Variants in TTN observed in about 807,000 individuals in gnomAD.
TTN encodes titin.
TTN carries 1,525 observed loss-of-function variants against 3,223.0 expected under a neutral mutation model. The observed-to-expected ratio is 0.47, with a 90% CI of 0.45 to 0.49. TTN has a LOEUF of 0.49. Among genes scored for constraint, TTN ranks in the 20% least tolerant of loss-of-function variants. TTN has a pLI of 0.00. For synonymous variants in TTN, 14,094 were observed against 15,161.0 expected (o/e 0.93, Z 5.17); for missense variants, 40,786 against 43,424.0 (o/e 0.94, Z 5.40).
In TTN at chr2:178,710,704, C is replaced by T. The variant is rs747684566; in HGVS notation, c.28393G>A (p.Gly9465Arg). ...TTCACAGCATAGCAGGTATATTGTC[C>T]AGAATCTCCTTTGTCTACTTTGAGG... ...TVLKVDKGDS[G>R]QYTCYAVNEV... is the part of the protein sequence containing the mutation. The change falls in exon 98 of 363, where the codon GGA becomes AGA. Residue 9465 changes from glycine to arginine, a missense_variant. By Grantham distance (125) the Gly-to-Arg change is moderately radical. Coordinates refer to ENST00000589042, the MANE Select transcript of TTN (RefSeq NM_001267550.2). 1.9e-6 allele frequency: 3 copies of T among 1,613,564 alleles called. No individual in the cohort carries two copies. The highest frequency in any genetic ancestry group is 2.5e-6 in the Non-Finnish European group (3 of 1,179,822).
At chr2:178,733,920 C>T in intron 52 of TTN, 28 bp from the exon 53 acceptor site, 4 of 1,537,402 alleles carry the variant, frequency 2.6e-6, no homozygotes, top group Non-Finnish European at 3.5e-6. Flanking sequence ...GCATATAAAA[C>T]ATATCAATTC....
Position 178,705,151 on chromosome 2 carries a change from A to G in TTN, c.29604+23T>C, listed in dbSNP as rs777415320. ...TTTTAAATGTGACTTTTTTAGCATG[A>G]TGCTATATATGAAGGAGCATACCAG... On this transcript the variant is annotated intron_variant, in intron 103 of 362. Transcript: ENST00000589042. The G allele has an allele frequency of 4.4e-6, 7 of 1,602,422 alleles. No individual in the cohort carries two copies. The East Asian group carries it at 1.6e-4, about 36-fold the overall frequency.
rs1060500413 is a variant in TTN at position 178,618,607 on chromosome 2, C to T, written c.46943G>A (p.Gly15648Glu). 4 of 1,612,122 alleles carry T rather than the reference C, an allele frequency of 2.5e-6. No individual in the cohort carries two copies. The highest frequency in any genetic ancestry group is 2.2e-5 in the South Asian group (2 of 90,790). The change falls in exon 251 of 363, where the codon GGA becomes GAA. Residue 15648 changes from glycine to glutamate, a missense_variant. Coordinates refer to ENST00000589042, the MANE Select transcript of TTN (RefSeq NM_001267550.2). ...ACCAATAACTTTTAAATTGATGAAT[C>T]CTTCTGCTTTTCCATGTTTGTTCTG... ...VLQNKHGKAE[G>E]FINLKVIDVP... is the part of the protein sequence containing the mutation.
Position 178,751,024 on chromosome 2 carries a change from G to A in TTN, c.11311+2100C>T. 1.2e-6 allele frequency: 2 copies of A among 1,612,560 alleles called. No homozygotes were observed. The highest frequency in any genetic ancestry group is 1.7e-6 in the Non-Finnish European group (2 of 1,179,228). Reference sequence around the variant, plus strand: ...TTTCTTCATCAACAATAGTTTGAAAGCTTGTGGGAAGTTCCTCAGATTCTA... The same window carrying A: ...TTTCTTCATCAACAATAGTTTGAAAACTTGTGGGAAGTTCCTCAGATTCTA... On this transcript the variant is annotated intron_variant, in intron 47 of 362. Coordinates refer to ENST00000589042, the MANE Select transcript of TTN (RefSeq NM_001267550.2).
At chr2:178,753,365 C>T (rs1243924050) in intron 46 of TTN, 185 bp from the exon 47 acceptor site, 1 of 491,766 alleles carries the variant, frequency 2.0e-6, no homozygotes, top group East Asian at 3.3e-5. Context: ...ACAATGTTGA[C>T]AGAAAGATTT....
rs756404322 is a variant in TTN, at chr2:178,749,996, G to A, written c.11311+3128C>T. The A allele has an allele frequency of 3.7e-6, 6 of 1,613,040 alleles. No homozygotes were observed. The Admixed American group carries it at 8.4e-5, about 22-fold the overall frequency. ...TGGTGATTGAGTAACTTGATCTTGAGGCATTGCTTTAGGTTCCAGCTCCTC... is the reference window on the plus strand; with the variant it reads ...TGGTGATTGAGTAACTTGATCTTGAAGCATTGCTTTAGGTTCCAGCTCCTC... On this transcript the variant is annotated intron_variant, in intron 47 of 362. Coordinates refer to ENST00000589042, the MANE Select transcript of TTN (RefSeq NM_001267550.2).
Position 178,740,364 on chromosome 2 carries a change from A to G in TTN, c.12869T>C (p.Leu4290Pro). 6.2e-7 allele frequency: 1 copy of G among 1,613,622 alleles called. No individual in the cohort carries two copies. Among genetic ancestry groups the G allele is most frequent in the Middle Eastern group, 1.7e-4 (1 of 6,058 alleles). ...TGTGCATGAGTGTTCTGAAGGGACT[A>G]GGGGCTCATAGTTTACCTGAGAGAT... ...VMISQVNYEP[L>P]VPSEHSCTEG... Residue 4290 changes from leucine to proline, a missense_variant, in exon 48 of 363, where the codon CTA (leucine) becomes CCA (proline). Transcript: ENST00000589042.
chr2:178,671,013 T>G, intron 156 of TTN, 77 bp downstream of exon 156: 1 of 1,039,432 alleles, frequency 9.6e-7, no homozygotes. Context: ...TCAAGTGGAA[T>G]GCAAACTTGT....
chr2:178,547,136 G>A lies in TTN; in HGVS notation c.94389C>T (p.Cys31463=). 1 of 1,613,800 alleles carries A rather than the reference G, an allele frequency of 6.2e-7. No homozygotes were observed. Among genetic ancestry groups the A allele is most frequent in the South Asian group, 1.1e-5 (1 of 91,086 alleles). Residue 31463 remains cysteine, a synonymous_variant, in exon 340 of 363, where the codon TGC becomes TGT. Coordinates refer to ENST00000589042, the MANE Select transcript of TTN (RefSeq NM_001267550.2). The stretch of plus-strand genomic sequence containing the variant: ...CAGTTACTTTGTAGTTGCACTCTAA[G>A]CATGGCACTTTGTTTTCTTTCACCC... The part of the protein sequence containing the change: ...ILWVKENKVP[C]LECNYKVTGL...
chr2:178,550,061 G>A lies in TTN; in HGVS notation c.91777C>T (p.His30593Tyr). The A allele has an allele frequency of 6.2e-7, 1 of 1,613,784 alleles. No individual in the cohort carries two copies. Among genetic ancestry groups the A allele is most frequent in the East Asian group, 2.2e-5 (1 of 44,866 alleles). Reference sequence around the variant, plus strand: ...GCTTCCACTGTGTATACACCACGATGGTCCCGAGTAGCATCTCTAACAAAT... The same window carrying A: ...GCTTCCACTGTGTATACACCACGATAGTCCCGAGTAGCATCTCTAACAAAT... ...SLFVRDATRDHRGVYTVEAKN... is the reference protein window; with the variant it reads ...SLFVRDATRDYRGVYTVEAKN... The change falls in exon 337 of 363, where the codon CAT (histidine) becomes TAT (tyrosine). Residue 30593 changes from histidine (H) to tyrosine (Y), a missense_variant. Coordinates refer to ENST00000589042, the MANE Select transcript of TTN (RefSeq NM_001267550.2).
chr2:178,752,360 C>T (rs1243782274), intron 47 of TTN, among the ~76,000 whole-genome samples: 1 of 151,986 alleles, frequency 6.6e-6, no homozygotes, highest in Non-Finnish European at 1.5e-5. Context: ...CTTTTGATGG[C>T]TAAGTGGAAA....
At chr2:178,744,160 A>G (rs1344717737) in intron 47 of TTN, among the ~76,000 whole-genome samples, 1 of 152,002 alleles carries the variant, frequency 6.6e-6, no homozygotes, top group Non-Finnish European at 1.5e-5. Flanking sequence ...TTTAAATATG[A>G]TAATGGTACT....
chr2:178,588,319 T>C, intron 304 of TTN, 100 bp from the exon 305 acceptor site: 1 of 1,220,778 alleles, frequency 8.2e-7, no homozygotes, highest in Non-Finnish European at 1.1e-6. Flanking sequence ...GGTCATCCAA[T>C]TTTTCAATTA....
In TTN at chr2:178,727,186, T is replaced by A; in HGVS notation, c.20179A>T (p.Met6727Leu). 1.2e-6 allele frequency: 2 copies of A among 1,613,280 alleles called. No homozygotes were observed. Among genetic ancestry groups the A allele is most frequent in the Non-Finnish European group, 1.7e-6 (2 of 1,179,454 alleles). The change falls in exon 69 of 363, where the codon ATG (methionine) becomes TTG (leucine). Residue 6727 changes from methionine to leucine, a missense_variant. Physicochemically the swap from Met to Leu is conservative, Grantham distance 15. Coordinates refer to ENST00000589042, the MANE Select transcript of TTN (RefSeq NM_001267550.2). ...CTGTCCTCAGTACTGAGATTGTTCA[T>A]CTGTATGACGGCCACTGAGTCAATG... The part of the protein sequence containing the change: ...TFIDSVAVIQ[M>L]NNLSTEDSGD...
At position 178,671,990 on chromosome 2, in the gene TTN, T is replaced by G. The variant is rs765097011; in HGVS notation, c.35208A>C (p.Lys11736Asn). 7 of 1,602,466 alleles carry G rather than the reference T, an allele frequency of 4.4e-6. No individual in the cohort carries two copies. In the East Asian group the frequency reaches 1.6e-4, roughly 36 times the overall value. Residue 11736 changes from lysine (K) to asparagine (N), a missense_variant, in exon 155 of 363, where the codon AAA (lysine) becomes AAC (asparagine). Physicochemically the swap from Lys to Asn is moderately conservative, Grantham distance 94. Coordinates refer to ENST00000589042, the MANE Select transcript of TTN (RefSeq NM_001267550.2). ...FEAEEVEVFE[K>N]PKAPPKGPEI... Reference sequence around the variant, plus strand: ...CTATACCTTTAGGTGGAGCTTTTGGTTTTTCAAATACTTCCACTTCTTCAG... The same window carrying G: ...CTATACCTTTAGGTGGAGCTTTTGGGTTTTCAAATACTTCCACTTCTTCAG...
chr2:178,669,897 T>C (rs2066671040), intron 157 of TTN, among the ~76,000 whole-genome samples: 1 of 152,052 alleles, frequency 6.6e-6, no homozygotes, highest in East Asian at 1.9e-4. Context: ...AGTATCATTT[T>C]CTATTGCCAT....
At position 178,733,448 on chromosome 2, in the gene TTN, T is replaced by C. The variant is rs1253364524; in HGVS notation, c.15845A>G (p.Tyr5282Cys). The C allele has an allele frequency of 3.1e-6, 5 of 1,613,756 alleles. No homozygotes were observed. Among genetic ancestry groups the C allele is most frequent in the Non-Finnish European group, 4.2e-6 (5 of 1,179,792 alleles). Residue 5282 changes from tyrosine (Y) to cysteine (C), a missense_variant, in exon 54 of 363, where the codon TAC (tyrosine) becomes TGC (cysteine). Physicochemically the swap from Tyr to Cys is radical, Grantham distance 194. Coordinates refer to ENST00000589042, the MANE Select transcript of TTN (RefSeq NM_001267550.2). ...CAGTTCTGGCGTGCCTGCCACTGTG[T>C]ACTCCAGTGTGGCGGGATCTCCTGC... The part of the protein sequence containing the change: ...VTAGDPATLE[Y>C]TVAGTPELKP...
At chr2:178,630,520 C>T (rs1048272487) in intron 238 of TTN, among the ~76,000 whole-genome samples, 153 bp from the exon 239 acceptor site, 1 of 152,046 alleles carries the variant, frequency 6.6e-6, no homozygotes, top group African/African-American at 2.4e-5. Context: ...GTAAAGCTTA[C>T]AAGTACTAAG....
Position 178,578,095 on chromosome 2 carries a change from C to T in TTN, c.68420G>A (p.Gly22807Glu). The change falls in exon 322 of 363, where the codon GGA (glycine) becomes GAA (glutamate). Residue 22807 changes from glycine to glutamate, a missense_variant. Physicochemically the swap from Gly to Glu is moderately conservative, Grantham distance 98 (BLOSUM62 -2). Coordinates refer to ENST00000589042, the MANE Select transcript of TTN (RefSeq NM_001267550.2). ...PIRMRDFKVT[G>E]LTEGLEYEFR... is the part of the protein sequence containing the mutation. ...TTCATATTCAAGACCTTCAGTTAAT[C>T]CTGTCACTTTAAAGTCTCTCATCCT... 1 of 1,613,292 alleles carries T rather than the reference C, an allele frequency of 6.2e-7. No individual in the cohort carries two copies. The highest frequency in any genetic ancestry group is 1.1e-5 in the South Asian group (1 of 91,062).
Sources: gnomAD v4.1 joint callset for allele counts (sites outside exome capture counted in the v4.1 genomes callset) on GRCh38, gnomAD v4.1.1 for gene constraint, MANE v1.5 for transcripts, NCBI Gene and HGNC (gene_info 2026-07-23, HGNC 2026-07-21) for gene names.